CORO1C: variants seen among roughly 807,000 people sequenced by gnomAD.
CORO1C encodes coronin 1C, also known as coronin-1C.
Under a neutral mutation model 51.2 loss-of-function variants are expected in CORO1C, and 14 were observed. The observed-to-expected ratio is 0.27, with a 90% CI of 0.18 to 0.43. The LOEUF is 0.43. CORO1C is among the 20% of genes least tolerant of loss of function. The probability of loss-of-function intolerance (pLI) is 1.00; values close to 1 mark genes in which losing one functional copy is unlikely to be tolerated. For synonymous variants in CORO1C, 181 were observed against 210.5 expected (o/e 0.86, Z 1.21); for missense variants, 417 against 607.8 (o/e 0.69, Z 3.30).
intron 1 of CORO1C, among the ~76,000 whole-genome samples, chr12:108,708,003 A>C (rs2035074809): frequency 6.6e-6 from 1 of 152,248 alleles, no homozygotes; most frequent in African/African-American, 2.4e-5. Context: ...GAATATAGAC[A>C]AATCAGAACC....
intron 2 of CORO1C, among the ~76,000 whole-genome samples, chr12:108,693,039 C>T (rs1228470826): frequency 6.6e-6 from 1 of 152,052 alleles, no homozygotes; most frequent in Non-Finnish European, 1.5e-5. Context: ...CTCAGGTGAT[C>T]CACCTGCCTC....
intron 6 of CORO1C, 40 bp downstream of exon 6, chr12:108,657,264 G>C (rs1292340211): frequency 1.2e-6 from 2 of 1,603,604 alleles, no homozygotes; most frequent in Admixed American, 1.7e-5. Context: ...CAGAGAGAAA[G>C]CTCAAGTGAA....
At chr12:108,647,685 T>C (rs2032429913) in intron 10 of CORO1C, among the ~76,000 whole-genome samples, 163 bp from the exon 11 acceptor site, 1 of 152,180 alleles carries the variant, frequency 6.6e-6, no homozygotes, top group Non-Finnish European at 1.5e-5. Flanking sequence ...TCTGGGGCTT[T>C]GAATGCAATG....
In CORO1C at chr12:108,654,469, AT is replaced by A. The variant is rs966839169; in HGVS notation, c.751-60del. The stretch of plus-strand genomic sequence containing the variant: ...TATGTATACATTTTTTTAAAAATAA[AT>A]TTTTATAACCTTATTATATATTCTT... On this transcript the variant is annotated intron_variant, in intron 6 of 10. Transcript: ENST00000261401. 6.2e-6 allele frequency: 6 copies of A among 972,888 alleles called. No individual in the cohort carries two copies. The Admixed American group carries it at 8.6e-5, about 14-fold the overall frequency. 60.3% of individuals were successfully genotyped at this position (972,888 alleles called of 1,614,324 possible). A position where few individuals can be genotyped will look rare whatever the true frequency, so the allele number is the denominator to read the frequency against.
At chr12:108,662,899 T>C (rs1466775353) in intron 3 of CORO1C, among the ~76,000 whole-genome samples, 1 of 152,120 alleles carries the variant, frequency 6.6e-6, no homozygotes, top group African/African-American at 2.4e-5. Flanking sequence ...ACCTGCAGAA[T>C]GGGAGAAAAT....
At chr12:108,700,943 T>C in intron 2 of CORO1C, 181 bp downstream of exon 2, 1 of 679,454 alleles carries the variant, frequency 1.5e-6, no homozygotes, top group Non-Finnish European at 2.5e-6. Context: ...ACTATTCTAT[T>C]TAATGATTCT....
chr12:108,676,556 G>C (rs1039447067), intron 3 of CORO1C, among the ~76,000 whole-genome samples: 3 of 151,972 alleles, frequency 2.0e-5, no homozygotes, highest in Non-Finnish European at 4.4e-5. Flanking sequence ...GGGATCACTT[G>C]AGGTCAGGAG....
At chr12:108,717,321 G>A (rs547469456) in intron 1 of CORO1C, among the ~76,000 whole-genome samples, 3 of 152,222 alleles carry the variant, frequency 2.0e-5, no homozygotes, top group Non-Finnish European at 4.4e-5. Context: ...AGCAGAACCC[G>A]GATCACAGAG....
At chr12:108,703,794 C>G (rs1053902597) in intron 1 of CORO1C, among the ~76,000 whole-genome samples, 6 of 151,964 alleles carry the variant, frequency 3.9e-5, no homozygotes, top group Non-Finnish European at 7.4e-5. Context: ...TGACACCCAG[C>G]ACAGGTGTGA....
chr12:108,703,037 T>A, intron 1 of CORO1C: 1 of 1,257,738 alleles, frequency 8.0e-7, no homozygotes, highest in Admixed American at 2.8e-5. Context: ...CAAGCGTGAG[T>A]TAGATAAGAC....
intron 6 of CORO1C, among the ~76,000 whole-genome samples, chr12:108,655,912 C>T (rs1368159458): frequency 1.3e-5 from 2 of 148,656 alleles, no homozygotes; most frequent in East Asian, 2.0e-4. Context: ...TCTTCCCGGC[C>T]GCCATCCCGT....
chr12:108,648,512 G>C, intron 10 of CORO1C, 93 bp downstream of exon 10: 1 of 1,541,988 alleles, frequency 6.5e-7, no homozygotes, highest in South Asian at 1.2e-5. Context: ...GCACCCAGCT[G>C]GGACAGTACT....
chr12:108,670,649 A>C (rs1240892794), intron 3 of CORO1C, among the ~76,000 whole-genome samples: 1 of 152,206 alleles, frequency 6.6e-6, no homozygotes, highest in African/African-American at 2.4e-5. Context: ...CCATTTAAAA[A>C]GCTTGGGAAA....
chr12:108,696,778 T>C (rs373223996), intron 2 of CORO1C, among the ~76,000 whole-genome samples: 1 of 152,246 alleles, frequency 6.6e-6, no homozygotes, highest in Non-Finnish European at 1.5e-5. Flanking sequence ...AAGCCACAGC[T>C]TGATGGAAGC....
chr12:108,702,171 G>A (rs11114028), intron 1 of CORO1C, among the ~76,000 whole-genome samples: 38,949 of 152,194 alleles, frequency 0.26, 6,352 homozygotes, highest in Non-Finnish European at 0.37. Flanking sequence ...TCAAAGCCAG[G>A]TACTGGGCTA....
chr12:108,702,765 A>G, intron 1 of CORO1C: 1 of 1,482,384 alleles, frequency 6.7e-7, no homozygotes, highest in Non-Finnish European at 8.9e-7. Flanking sequence ...AAATGCAGAG[A>G]GACGAATTTA....
Position 108,648,661 on chromosome 12 carries a change from T to C in CORO1C, c.1249A>G (p.Asn417Asp), listed in dbSNP as rs761544630. The C allele has an allele frequency of 6.2e-6, 10 of 1,614,252 alleles. No homozygotes were observed. In the South Asian group the frequency reaches 1.1e-4, roughly 18 times the overall value. Residue 417 changes from asparagine to aspartate, a missense_variant, in exon 10 of 11, where the codon AAC becomes GAC. By Grantham distance (23) the Asn-to-Asp change is conservative (BLOSUM62 1). Coordinates refer to ENST00000261401, the MANE Select transcript of CORO1C (RefSeq NM_014325.4). The stretch of plus-strand genomic sequence containing the variant: ...ATGCTGATCAGGTCGCACTTCTTGT[T>C]TGCAGTGGGCTTGCTATCCAGAATG... ...KNILDSKPTA[N>D]KKCDLISIPK...
chr12:108,659,032 GAGAA>G (rs2033145755), intron 4 of CORO1C, 113 bp from the exon 5 acceptor site: 3 of 1,062,162 alleles, frequency 2.8e-6, no homozygotes, highest in Middle Eastern at 2.4e-4. Context: ...GAGAGAGAGA[GAGAA>G]AGAGAGAGAG....
chr12:108,658,989 G>A lies in CORO1C; in HGVS notation c.449-70C>T. On this transcript the variant is annotated intron_variant, in intron 4 of 10. Transcript: ENST00000261401. This position sits in a 1 kb window ranked among gnomAD's most constrained non-coding sequence, Gnocchi z 4.9. Reference sequence around the variant, plus strand: ...TATGTAACACACTCAGAAAACTACAGATACAGTGAGAATACACATATGTAT... The same window carrying A: ...TATGTAACACACTCAGAAAACTACAAATACAGTGAGAATACACATATGTAT... 6.8e-7 allele frequency: 1 copy of A among 1,474,400 alleles called. No individual in the cohort carries two copies. The highest frequency in any genetic ancestry group is 9.3e-7 in the Non-Finnish European group (1 of 1,074,610). 91.3% of individuals were successfully genotyped at this position (1,474,400 alleles called of 1,614,324 possible).
Sources: gnomAD v4.1 joint callset for allele counts (sites outside exome capture counted in the v4.1 genomes callset) on GRCh38, gnomAD v4.1.1 for gene constraint, Gnocchi (gnomAD v3.1) non-coding constraint, MANE v1.5 for transcripts, NCBI Gene and HGNC (gene_info 2026-07-23, HGNC 2026-07-21) for gene names.